CLIC5: variants seen among roughly 807,000 people sequenced by gnomAD.
CLIC5 encodes the protein CLIC family member 5.
In CLIC5, 20 loss-of-function variants were observed where a neutral mutation model predicts 24.7. The ratio of observed to expected loss-of-function variants is 0.81; its 90% confidence interval spans 0.57 to 1.18. The LOEUF is 1.18. CLIC5 is among the 50% of genes most tolerant of loss of function. The pLI is 0.00. For synonymous variants in CLIC5, 159 were observed against 135.6 expected, an observed-to-expected ratio of 1.17 and a Z score of -1.20; for missense variants, 341 against 326.1, an observed-to-expected ratio of 1.05 and a Z score of -0.35.
chr6:45,919,817 A>C (rs770444287), intron 4 of CLIC5, among the ~76,000 whole-genome samples: 3 of 152,244 alleles, frequency 2.0e-5, no homozygotes, highest in Non-Finnish European at 4.4e-5. Context: ...TTCCTTTTAC[A>C]GAAATCCTAA....
At chr6:46,098,019 C>T in the CLIC5 span, among the ~76,000 whole-genome samples, 1 of 152,120 alleles carries the variant, frequency 6.6e-6, no homozygotes, top group African/African-American at 2.4e-5. Flanking sequence ...TGACAGCCAC[C>T]CTATGGCAAC....
chr6:46,030,809 C>G (rs372251408), intron 1 of CLIC5, among the ~76,000 whole-genome samples: 3 of 152,222 alleles, frequency 2.0e-5, no homozygotes, highest in East Asian at 3.9e-4. Flanking sequence ...CCACAGCACC[C>G]TGTGCAAACC....
chr6:45,923,400 A>G (rs1396056610), intron 4 of CLIC5, among the ~76,000 whole-genome samples: 2 of 152,184 alleles, frequency 1.3e-5, no homozygotes, highest in Non-Finnish European at 2.9e-5. Flanking sequence ...CATTCACCAC[A>G]TTTTGTCTTG....
At chr6:45,941,303 C>A (rs547314075) in intron 4 of CLIC5, among the ~76,000 whole-genome samples, 151 of 152,334 alleles carry the variant, frequency 9.9e-4, no homozygotes, top group Non-Finnish European at 2.0e-3. Context: ...TCCCTCTCTC[C>A]AGCTTGGCAG....
intron 1 of CLIC5, among the ~76,000 whole-genome samples, chr6:46,032,323 G>A (rs1370951880): frequency 6.6e-6 from 1 of 152,190 alleles, no homozygotes; most frequent in Non-Finnish European, 1.5e-5. Flanking sequence ...AATCACCTCT[G>A]ATCAGCTTCC....
At chr6:46,047,973 A>G (rs1199505333) in intron 1 of CLIC5, among the ~76,000 whole-genome samples, 3 of 150,698 alleles carry the variant, frequency 2.0e-5, no homozygotes, top group East Asian at 3.9e-4. Flanking sequence ...ATTCCTTTTC[A>G]TATTCTAAAT....
intron 4 of CLIC5, among the ~76,000 whole-genome samples, chr6:45,936,853 C>T (rs1481328398): frequency 1.3e-5 from 2 of 152,108 alleles, no homozygotes; most frequent in African/African-American, 4.8e-5. Context: ...TAGCACCTGA[C>T]TTAATGTGGG....
intron 1 of CLIC5, among the ~76,000 whole-genome samples, chr6:46,042,157 C>A (rs761475083): frequency 5.3e-5 from 8 of 152,118 alleles, no homozygotes; most frequent in Non-Finnish European, 1.0e-4. Context: ...AATGGGCTTT[C>A]AAAATCACTC....
chr6:46,088,969 G>A, the CLIC5 span, among the ~76,000 whole-genome samples: 2 of 152,150 alleles, frequency 1.3e-5, no homozygotes, highest in Non-Finnish European at 2.9e-5. Flanking sequence ...CTTGCAGCAG[G>A]GAAGGGCTCA....
intron 3 of CLIC5, among the ~76,000 whole-genome samples, chr6:45,944,684 A>G (rs1764234924): frequency 6.6e-6 from 1 of 152,164 alleles, no homozygotes; most frequent in Non-Finnish European, 1.5e-5. Flanking sequence ...GCCACAGCCA[A>G]CCAAGACACT....
chr6:46,049,454 T>C (rs570459963), intron 1 of CLIC5, among the ~76,000 whole-genome samples: 2 of 152,238 alleles, frequency 1.3e-5, no homozygotes, highest in East Asian at 3.9e-4. Context: ...TTCTAGCAGA[T>C]AGGAATAGTT....
At chr6:46,069,170 G>A (rs887096078) in intron 1 of CLIC5, among the ~76,000 whole-genome samples, 18 of 152,084 alleles carry the variant, frequency 1.2e-4, no homozygotes, top group Non-Finnish European at 1.9e-4. Flanking sequence ...GGGTGAATGA[G>A]GAGTGACAAG....
intron 1 of CLIC5, among the ~76,000 whole-genome samples, chr6:45,962,277 A>C (rs184942793): frequency 6.6e-6 from 1 of 151,714 alleles, no homozygotes; most frequent in African/African-American, 2.4e-5. Flanking sequence ...ACAGTTGTGG[A>C]GGCTTGGTGT....
chr6:46,031,408 G>A (rs1334080491), intron 1 of CLIC5, among the ~76,000 whole-genome samples: 1 of 152,098 alleles, frequency 6.6e-6, no homozygotes, highest in Admixed American at 6.6e-5. Context: ...GGAATGCAGG[G>A]ATAAATAAAT....
chr6:45,881,466 C>T (rs569952213), intron 6 of CLIC5, among the ~76,000 whole-genome samples: 5 of 151,996 alleles, frequency 3.3e-5, no homozygotes, highest in African/African-American at 4.8e-5. Flanking sequence ...AGATTCTCCC[C>T]GTTAGGTGAT....
At chr6:45,912,881 G>A in intron 5 of CLIC5, 7 of 647,548 alleles carry the variant, frequency 1.1e-5, no homozygotes, top group African/African-American at 1.8e-5. Context: ...GGTTGTATTT[G>A]CCCACTCCAT....
chr6:46,029,748 A>G (rs1767446000), intron 1 of CLIC5, among the ~76,000 whole-genome samples: 1 of 152,088 alleles, frequency 6.6e-6, no homozygotes, highest in Non-Finnish European at 1.5e-5. Flanking sequence ...TTTTCCATTC[A>G]CCACAAGCAA....
chr6:45,957,848 C>T (rs547809031), intron 1 of CLIC5, among the ~76,000 whole-genome samples: 10 of 152,240 alleles, frequency 6.6e-5, no homozygotes, highest in African/African-American at 1.2e-4. Flanking sequence ...TGATCTGTGA[C>T]GACCATCTGA....
At chr6:46,012,263 A>C (rs1355085052) in intron 1 of CLIC5, among the ~76,000 whole-genome samples, 11 of 152,176 alleles carry the variant, frequency 7.2e-5, no homozygotes, top group Admixed American at 7.2e-4. Flanking sequence ...CTGAAAGTTA[A>C]ATAATTTGTT....
Sources: allele counts gnomAD v4.1 joint callset (sites outside exome capture counted in the v4.1 genomes callset), GRCh38; gene constraint gnomAD v4.1.1; transcripts MANE v1.5; gene names NCBI Gene and HGNC (gene_info 2026-07-23, HGNC 2026-07-21).